The following STXBP5L variants were observed in gnomAD, a reference collection of about 807,000 sequenced individuals.
STXBP5L encodes syntaxin binding protein 5L, also known as syntaxin-binding protein 5-like.
STXBP5L carries 65 observed loss-of-function variants against 144.5 expected under a neutral mutation model. That is an observed-to-expected ratio of 0.45 (90% CI 0.37 to 0.55). The LOEUF (loss-of-function observed/expected upper bound fraction) is 0.55. Ranked by LOEUF, STXBP5L falls within the 20% of genes least tolerant of loss-of-function variation. The pLI is 0.00. For synonymous variants in STXBP5L, 505 were observed against 469.6 expected, an observed-to-expected ratio of 1.08 and a Z score of -0.97; for missense variants, 1,298 against 1,405.5, an observed-to-expected ratio of 0.92 and a Z score of 1.22.
At chr3:121,123,312 G>T (rs1022850134) in intron 7 of STXBP5L, among the ~76,000 whole-genome samples, 1 of 151,636 alleles carries the variant, frequency 6.6e-6, no homozygotes, top group Non-Finnish European at 1.5e-5. Context: ...TTTGGAATTT[G>T]TTATGACCTA....
intron 2 of STXBP5L, among the ~76,000 whole-genome samples, chr3:120,922,966 A>C (rs958911083): frequency 6.6e-6 from 1 of 151,904 alleles, no homozygotes; most frequent in East Asian, 1.9e-4. Flanking sequence ...GAATTCATCA[A>C]TGAAACCATC....
chr3:121,160,930 A>G (rs969112935), intron 9 of STXBP5L, among the ~76,000 whole-genome samples: 2 of 152,178 alleles, frequency 1.3e-5, no homozygotes, highest in African/African-American at 2.4e-5. Context: ...TAGAGCTAAC[A>G]TTGTAACACT....
At chr3:121,253,968 T>G (rs574499683) in intron 15 of STXBP5L, among the ~76,000 whole-genome samples, 179 of 152,046 alleles carry the variant, frequency 1.2e-3, no homozygotes, top group African/African-American at 4.2e-3. Context: ...TTAATATTCT[T>G]TACGACAAAA....
In STXBP5L at chr3:121,413,290, A is replaced by G; in HGVS notation, c.3081A>G (p.Leu1027=). The G allele has an allele frequency of 1.3e-6, 2 of 1,593,264 alleles. No homozygotes were observed. Among genetic ancestry groups the G allele is most frequent in the Non-Finnish European group, 1.7e-6 (2 of 1,172,578 alleles). Reference sequence around the variant, plus strand: ...TCTCTCCTACTGAAATTCAGCGGTTAACATACAGCCAAGAAATGTGTGATA... The same window carrying G: ...TCTCTCCTACTGAAATTCAGCGGTTGACATACAGCCAAGAAATGTGTGATA... ...YLVSPTEIQR[L]TYSQEMCDNL... The change falls in exon 24 of 27, where the codon TTA becomes TTG. Residue 1027 remains leucine, a synonymous_variant. Coordinates refer to ENST00000471454, the MANE Select transcript of STXBP5L (RefSeq NM_001308330.2).
chr3:121,262,745 T>A (rs2050424407), intron 18 of STXBP5L, among the ~76,000 whole-genome samples: 1 of 152,096 alleles, frequency 6.6e-6, no homozygotes, highest in Non-Finnish European at 1.5e-5. Context: ...CAAAATACAA[T>A]GGTGGGATCA....
At chr3:121,081,886 A>G (rs2042264046) in intron 5 of STXBP5L, among the ~76,000 whole-genome samples, 1 of 152,218 alleles carries the variant, frequency 6.6e-6, no homozygotes, top group African/African-American at 2.4e-5. Flanking sequence ...TCAGCCTCAC[A>G]GCCTTACTCT....
chr3:120,970,623 A>G (rs374190853), intron 3 of STXBP5L, among the ~76,000 whole-genome samples: 1 of 152,084 alleles, frequency 6.6e-6, no homozygotes, highest in Non-Finnish European at 1.5e-5. Context: ...TTCACTGATT[A>G]TGATATGCCT....
At chr3:121,300,119 T>C (rs1385303326) in intron 19 of STXBP5L, among the ~76,000 whole-genome samples, 1 of 151,512 alleles carries the variant, frequency 6.6e-6, no homozygotes, top group African/African-American at 2.4e-5. Context: ...ATATGAATAA[T>C]GAGTGATTTT....
chr3:121,389,622 C>T (rs1341730960), intron 22 of STXBP5L, among the ~76,000 whole-genome samples: 1 of 152,188 alleles, frequency 6.6e-6, no homozygotes, highest in Non-Finnish European at 1.5e-5. Flanking sequence ...GTCTTTATTT[C>T]TGCCTTCATT....
intron 19 of STXBP5L, among the ~76,000 whole-genome samples, chr3:121,313,084 G>A (rs1226389213): frequency 2.7e-5 from 4 of 147,192 alleles, no homozygotes; most frequent in African/African-American, 5.0e-5. Flanking sequence ...CTGGCCGGGC[G>A]GGGGGCTGAC....
At chr3:120,961,194 T>C (rs951104738) in intron 3 of STXBP5L, among the ~76,000 whole-genome samples, 4 of 109,484 alleles carry the variant, frequency 3.7e-5, no homozygotes, top group African/African-American at 7.4e-5. Flanking sequence ...TTGATTTTAT[T>C]TAGTTTTTTT....
chr3:121,370,472 C>G (rs2045997730), intron 20 of STXBP5L, among the ~76,000 whole-genome samples: 1 of 152,206 alleles, frequency 6.6e-6, no homozygotes, highest in Non-Finnish European at 1.5e-5. Flanking sequence ...TCCTCAGAAG[C>G]AGAAGCCTGT....
At chr3:121,282,262 A>C in intron 19 of STXBP5L, 2 of 1,611,058 alleles carry the variant, frequency 1.2e-6, no homozygotes, top group Non-Finnish European at 1.7e-6. Flanking sequence ...GGCATGTTCC[A>C]AAGACAACTT....
At chr3:121,019,440 C>A (rs1159977296) in intron 3 of STXBP5L, among the ~76,000 whole-genome samples, 2 of 152,242 alleles carry the variant, frequency 1.3e-5, no homozygotes, top group Non-Finnish European at 2.9e-5. Flanking sequence ...GAAAGCCCCA[C>A]CTCATGGCTG....
chr3:121,016,923 C>T (rs772751154), intron 3 of STXBP5L, among the ~76,000 whole-genome samples: 4 of 152,196 alleles, frequency 2.6e-5, no homozygotes, highest in South Asian at 2.1e-4. Flanking sequence ...TGGAATATTT[C>T]CAGTTCATCC....
In STXBP5L at chr3:121,383,369, C is replaced by G. The variant is rs139630911; in HGVS notation, c.2587+1837C>G. 8.4e-3 allele frequency among the ~76,000 whole-genome samples: 1,279 copies of G among 151,826 alleles called. 17 individuals carry two copies. The highest frequency in any genetic ancestry group is 0.029 in the African/African-American group (1,209 of 41,362). On this transcript the variant is annotated intron_variant, in intron 22 of 26. Coordinates refer to ENST00000471454, the MANE Select transcript of STXBP5L (RefSeq NM_001308330.2). ...CCATAATCTCACCACTGCACTCCAG[C>G]CTGGGTGACAGAGTGAGACTCCATC...
At chr3:121,008,378 C>T (rs1007923363) in intron 3 of STXBP5L, among the ~76,000 whole-genome samples, 3 of 151,974 alleles carry the variant, frequency 2.0e-5, no homozygotes, top group Non-Finnish European at 2.9e-5. Flanking sequence ...AGCATTCCCT[C>T]CCCTGGAACT....
At chr3:121,177,575 T>C (rs905217769) in intron 9 of STXBP5L, among the ~76,000 whole-genome samples, 4 of 152,092 alleles carry the variant, frequency 2.6e-5, no homozygotes, top group African/African-American at 9.7e-5. Flanking sequence ...CCACCTCACA[T>C]CCATTAGGAT....
At chr3:121,028,905 A>C (rs766440478) in intron 3 of STXBP5L, among the ~76,000 whole-genome samples, 5 of 152,032 alleles carry the variant, frequency 3.3e-5, no homozygotes, top group Non-Finnish European at 7.4e-5. Context: ...TTGATTAGAA[A>C]GGGAGTTTAT....
Sources: gnomAD v4.1 joint callset for allele counts (sites outside exome capture counted in the v4.1 genomes callset) on GRCh38, gnomAD v4.1.1 for gene constraint, MANE v1.5 for transcripts, NCBI Gene and HGNC (gene_info 2026-07-23, HGNC 2026-07-21) for gene names.